ABCC5: variants seen among roughly 807,000 people sequenced by gnomAD.
The protein encoded by ABCC5 is ATP-binding cassette sub-family C member 5.
ABCC5 carries 61 observed loss-of-function variants against 160.9 expected under a neutral mutation model. The observed-to-expected ratio is 0.38, with a 90% CI of 0.31 to 0.47. The LOEUF (loss-of-function observed/expected upper bound fraction) is 0.47. ABCC5 is among the 20% of genes least tolerant of loss of function. ABCC5 has a pLI of 0.99. For missense variants in ABCC5, 1,308 were observed against 1,813.3 expected (o/e 0.72, Z 5.06); for synonymous variants, 666 against 700.6 (o/e 0.95, Z 0.78).
intron 2 of ABCC5, among the ~76,000 whole-genome samples, chr3:184,003,422 T>C (rs1264339773): frequency 1.3e-5 from 2 of 152,144 alleles, no homozygotes; most frequent in African/African-American, 4.8e-5. Context: ...TCTTAAGCTC[T>C]TCCCTTAAGA....
chr3:183,930,834 C>G (rs1183798237), intron 26 of ABCC5, among the ~76,000 whole-genome samples: 2 of 152,186 alleles, frequency 1.3e-5, no homozygotes. Context: ...TTGAAGCCAT[C>G]CAGTTTGTGG....
chr3:183,962,638 T>C (rs1008353601), intron 15 of ABCC5, among the ~76,000 whole-genome samples: 6 of 151,922 alleles, frequency 3.9e-5, no homozygotes, highest in Non-Finnish European at 8.8e-5. Flanking sequence ...TTCAAGGGAT[T>C]CTCCTGCCTC....
intron 17 of ABCC5, among the ~76,000 whole-genome samples, chr3:183,959,486 C>T (rs1716531954): frequency 6.6e-6 from 1 of 152,182 alleles, no homozygotes; most frequent in African/African-American, 2.4e-5. Flanking sequence ...TTACCTAAAC[C>T]TGACCCCACC....
intron 17 of ABCC5, among the ~76,000 whole-genome samples, chr3:183,956,299 T>G (rs566161906): frequency 6.6e-6 from 1 of 151,860 alleles, no homozygotes; most frequent in African/African-American, 2.4e-5. Flanking sequence ...TCACATCTGT[T>G]ACATGCAGAT....
At position 183,951,400 on chromosome 3, in the gene ABCC5, G is replaced by C; in HGVS notation, c.2944+41C>G. On this transcript the variant is annotated intron_variant, in intron 20 of 29. Transcript: ENST00000334444. The surrounding 1 kb of genome is among the most constrained non-coding windows in gnomAD (Gnocchi z 4.7). ...AATCATCTAGAAGGCTGGAAGCACAGTGAGCTCCAGAGTATTAAAAAAAGG... is the reference window on the plus strand; with the variant it reads ...AATCATCTAGAAGGCTGGAAGCACACTGAGCTCCAGAGTATTAAAAAAAGG... 1 of 1,605,922 alleles carries C rather than the reference G, an allele frequency of 6.2e-7. No homozygotes were observed. Among genetic ancestry groups the C allele is most frequent in the Non-Finnish European group, 8.5e-7 (1 of 1,175,974 alleles).
intron 26 of ABCC5, among the ~76,000 whole-genome samples, chr3:183,932,842 G>A (rs1228089930): frequency 6.6e-6 from 1 of 152,084 alleles, no homozygotes. Context: ...GTCTTATGAA[G>A]TTTTGAGCAT....
chr3:183,984,351 A>T lies in ABCC5; in HGVS notation c.592-1344T>A, dbSNP rs180911712. Reference sequence around the variant, plus strand: ...ATCCCCCACCCTAAAGGAAGAAAAAAATTGATGTGAAGCCCATCCACCCTT... The same window carrying T: ...ATCCCCCACCCTAAAGGAAGAAAAATATTGATGTGAAGCCCATCCACCCTT... On this transcript the variant is annotated intron_variant, in intron 5 of 29. Coordinates refer to ENST00000334444, the MANE Select transcript of ABCC5 (RefSeq NM_005688.4). 163 of 985,772 alleles carry T rather than the reference A, an allele frequency of 1.7e-4. 1 individual carries two copies. The African/African-American group carries it at 2.6e-3, about 16-fold the overall frequency. 61.1% of individuals were successfully genotyped at this position (985,772 alleles called of 1,614,324 possible).
intron 17 of ABCC5, 108 bp from the exon 18 acceptor site, chr3:183,953,378 C>A: frequency 1.1e-6 from 1 of 929,018 alleles, no homozygotes; most frequent in Non-Finnish European, 1.6e-6. Context: ...TCACAGGGGT[C>A]TAGATTAGAT....
chr3:183,934,806 C>T (rs1335033303), intron 26 of ABCC5, among the ~76,000 whole-genome samples: 3 of 151,908 alleles, frequency 2.0e-5, no homozygotes, highest in South Asian at 2.1e-4. Context: ...CATAAGCCAC[C>T]GCACCTGGCC....
intron 28 of ABCC5, among the ~76,000 whole-genome samples, chr3:183,925,940 G>A (rs1225805629): frequency 6.7e-6 from 1 of 149,032 alleles, no homozygotes; most frequent in Non-Finnish European, 1.5e-5. Flanking sequence ...CCGGGTTCAC[G>A]CCATTCTCCT....
Position 183,971,769 on chromosome 3 carries a change from C to G in ABCC5, c.1555G>C (p.Asp519His). The G allele has an allele frequency of 6.2e-7, 1 of 1,614,166 alleles. No individual in the cohort carries two copies. Among genetic ancestry groups the G allele is most frequent in the Non-Finnish European group, 8.5e-7 (1 of 1,180,030 alleles). ...TTCTTGCCCCTGGAAGCCCTCTTGT[C>G]TTTTTTCATTTTGGGGGTCAGCTTG... ...SPKLTPKMKK[D>H]KRASRGKKEK... The change falls in exon 11 of 30, where the codon GAC becomes CAC. Residue 519 changes from aspartate to histidine, a missense_variant. This residue lies in a region of ABCC5 where 1,142 missense variants were observed against 1,527.1 expected (regional missense o/e 0.75). Coordinates refer to ENST00000334444, the MANE Select transcript of ABCC5 (RefSeq NM_005688.4).
chr3:183,960,233 T>G (rs1388959428), intron 16 of ABCC5, among the ~76,000 whole-genome samples: 1 of 152,236 alleles, frequency 6.6e-6, no homozygotes, highest in African/African-American at 2.4e-5. Flanking sequence ...CACCTGGTTC[T>G]GTAGGACCTC....
chr3:184,014,525 G>GT, intron 1 of ABCC5, 78 bp from the exon 2 acceptor site: 69 of 665,296 alleles, frequency 1.0e-4, no homozygotes, highest in South Asian at 1.9e-4. Context: ...CTTAAAAATA[G>GT]GAAAAAAAAA....
In ABCC5 at chr3:183,977,568, C is replaced by T. The variant is rs754598787; in HGVS notation, c.1353G>A (p.Pro451=). 13 of 1,614,040 alleles carry T rather than the reference C, an allele frequency of 8.1e-6. No homozygotes were observed. Among genetic ancestry groups the T allele is most frequent in the Admixed American group, 3.3e-5 (2 of 59,998 alleles). Residue 451 remains proline (P), a synonymous_variant, in exon 10 of 30, where the codon CCG becomes CCA. Coordinates refer to ENST00000334444, the MANE Select transcript of ABCC5 (RefSeq NM_005688.4). ...NSMTFALKVT[P]FSVKSLSEAS... ...CTTCTGAGAGGGACTTTACTGAAAA[C>T]GGTGTTACTTTCAAAGCAAAAGTCA...
intron 2 of ABCC5, among the ~76,000 whole-genome samples, chr3:184,007,766 G>A: frequency 6.6e-6 from 1 of 152,166 alleles, no homozygotes; most frequent in African/African-American, 2.4e-5. Flanking sequence ...GGCGGAGGTT[G>A]CAGTGAGCCA....
At chr3:183,924,841 C>T (rs1712365026) in intron 29 of ABCC5, among the ~76,000 whole-genome samples, 1 of 152,124 alleles carries the variant, frequency 6.6e-6, no homozygotes. Context: ...TTCATGGAGG[C>T]TTTGGCATCT....
At chr3:183,974,017 A>G (rs1395083144) in intron 10 of ABCC5, among the ~76,000 whole-genome samples, 1 of 152,178 alleles carries the variant, frequency 6.6e-6, no homozygotes, top group African/African-American at 2.4e-5. Flanking sequence ...TCGGCTTCAG[A>G]TCACTCTGCC....
At chr3:183,947,216 A>G in intron 23 of ABCC5, 108 bp downstream of exon 23, 1 of 1,202,544 alleles carries the variant, frequency 8.3e-7, no homozygotes, top group Non-Finnish European at 1.1e-6. Flanking sequence ...AGGGGTCCAG[A>G]GGTGAAATAA....
At chr3:183,972,159 A>T in intron 10 of ABCC5, 1 of 718,894 alleles carries the variant, frequency 1.4e-6, no homozygotes, top group Non-Finnish European at 2.4e-6. Flanking sequence ...CACATGACAA[A>T]TTACATGCTA....
Sources: gnomAD v4.1 joint callset for allele counts (sites outside exome capture counted in the v4.1 genomes callset) on GRCh38, gnomAD v4.1.1 for gene constraint, gnomAD v4.1.1 regional missense constraint, Gnocchi (gnomAD v3.1) non-coding constraint, MANE v1.5 for transcripts, NCBI Gene and HGNC (gene_info 2026-07-23, HGNC 2026-07-21) for gene names.